Variants in VPS54 observed in about 807,000 individuals in gnomAD.
VPS54 encodes the protein VPS54 subunit of GARP complex.
VPS54 carries 45 observed loss-of-function variants against 121.5 expected under a neutral mutation model. That is an observed-to-expected ratio of 0.37 (90% CI 0.29 to 0.47). The LOEUF (loss-of-function observed/expected upper bound fraction) is 0.47, where lower values mean the gene tolerates loss of function less well. VPS54 is among the 20% of genes least tolerant of loss of function. The pLI, the probability that VPS54 is intolerant of heterozygous loss-of-function variation, is 0.99. For synonymous variants in VPS54, 371 were observed against 385.8 expected (o/e 0.96, Z 0.45); for missense variants, 1,090 against 1,131.4 (o/e 0.96, Z 0.52).
chr2:63,933,043 CAGAA>C (rs940390192), intron 12 of VPS54, among the ~76,000 whole-genome samples: 1 of 151,690 alleles, frequency 6.6e-6, no homozygotes. Context: ...CAAAAGGAGA[CAGAA>C]AGAGAAAAAG....
chr2:63,927,783 G>A (rs780103254), intron 12 of VPS54, among the ~76,000 whole-genome samples: 4 of 152,154 alleles, frequency 2.6e-5, no homozygotes, highest in Non-Finnish European at 5.9e-5. Flanking sequence ...TAGATGAGTG[G>A]CTAACTAGAA....
Position 63,981,855 on chromosome 2 carries a change from G to A in VPS54, c.169C>T (p.Leu57=). 1 of 1,613,324 alleles carries A rather than the reference G, an allele frequency of 6.2e-7. No homozygotes were observed. Among genetic ancestry groups the A allele is most frequent in the Non-Finnish European group, 8.5e-7 (1 of 1,179,594 alleles). The part of the protein sequence containing the change: ...DSHSLYVAPS[L]VTDQHRWTVY... ...GTCCATCTATGTTGATCTGTAACTA[G>A]AGATGGGGCAACATATAAACTATGT... The change falls in exon 3 of 23, where the codon CTA becomes TTA. Residue 57 remains leucine (L), a synonymous_variant. Transcript: ENST00000272322.
At chr2:63,944,214 T>TG (rs1674869663) in intron 10 of VPS54, among the ~76,000 whole-genome samples, 1 of 152,198 alleles carries the variant, frequency 6.6e-6, no homozygotes, top group South Asian at 2.1e-4. Flanking sequence ...TCCATATCTA[T>TG]GTTCTGTCCC....
chr2:63,915,977 T>C (rs988460457), intron 16 of VPS54, among the ~76,000 whole-genome samples: 7 of 152,138 alleles, frequency 4.6e-5, no homozygotes, highest in Admixed American at 1.3e-4. Flanking sequence ...TTGAGGAACA[T>C]AGAATTACAT....
chr2:63,962,042 T>G lies in VPS54; in HGVS notation c.1010+16A>C, dbSNP rs774023021. On this transcript the variant is annotated intron_variant, in intron 7 of 22. Transcript: ENST00000272322. The stretch of plus-strand genomic sequence containing the variant: ...ATTTCTAACATTATTTCTAGTGGCT[T>G]ACTTAATGAACATACCGGAAACTGT... 6.6e-7 allele frequency: 1 copy of G among 1,511,838 alleles called. No individual in the cohort carries two copies. Among genetic ancestry groups the G allele is most frequent in the East Asian group, 2.3e-5 (1 of 43,662 alleles). The allele number at this position is 1,511,838 out of a possible 1,614,324, so 93.7% of individuals were successfully genotyped here.
In VPS54 at chr2:63,999,232, G is replaced by A. The variant is rs910657211; in HGVS notation, c.-20-15213C>T. On this transcript the variant is annotated intron_variant, in intron 1 of 22. Coordinates refer to ENST00000272322, the MANE Select transcript of VPS54 (RefSeq NM_016516.3). ...CCCAAAGTGCCAGGATTACCGGTGT[G>A]AGCCACTGCACCTGGCCAGCTCTTT... Among the ~76,000 whole-genome samples, 5 of 152,318 alleles carry A rather than the reference G, an allele frequency of 3.3e-5. No individual in the cohort carries two copies. In the East Asian group the frequency reaches 5.8e-4, roughly 18 times the overall value.
intron 1 of VPS54, among the ~76,000 whole-genome samples, chr2:63,995,071 C>T (rs189326223): frequency 2.9e-4 from 44 of 152,322 alleles, no homozygotes; most frequent in Admixed American, 2.0e-3. Flanking sequence ...GTCCAGAACA[C>T]CCACAACTTT....
chr2:63,899,400 T>C, intron 21 of VPS54, 74 bp downstream of exon 21: 1 of 1,314,454 alleles, frequency 7.6e-7, no homozygotes, highest in South Asian at 1.4e-5. Context: ...GCCAAAAGCA[T>C]GTAAAAACAC....
chr2:63,921,981 G>C (rs1477602908), intron 12 of VPS54, among the ~76,000 whole-genome samples: 1 of 152,184 alleles, frequency 6.6e-6, no homozygotes, highest in African/African-American at 2.4e-5. Context: ...AGCAAGAAGA[G>C]GGAAGGAATG....
At chr2:63,916,237 G>A (rs188379284) in intron 16 of VPS54, among the ~76,000 whole-genome samples, 3 of 152,268 alleles carry the variant, frequency 2.0e-5, no homozygotes, top group African/African-American at 4.8e-5. Context: ...CACTTAAGCT[G>A]TGAAGTACTG....
At chr2:63,981,977 T>C (rs1676820984) in intron 2 of VPS54, 90 bp from the exon 3 acceptor site, 1 of 1,395,072 alleles carries the variant, frequency 7.2e-7, no homozygotes, top group African/African-American at 1.5e-5. Context: ...AATGCACAGA[T>C]TCCATCTTAC....
At chr2:63,948,258 C>T (rs189341201) in intron 8 of VPS54, among the ~76,000 whole-genome samples, 2 of 148,212 alleles carry the variant, frequency 1.3e-5, no homozygotes, top group Admixed American at 1.4e-4. Flanking sequence ...GGATTTTTTA[C>T]TAGTTGTTGT....
chr2:63,953,126 ATTT>A (rs1194371865), intron 7 of VPS54, among the ~76,000 whole-genome samples: 3 of 119,222 alleles, frequency 2.5e-5, no homozygotes, highest in African/African-American at 3.2e-5. Flanking sequence ...GAAATTTTTA[ATTT>A]TTTTTTTTTT....
chr2:64,006,533 A>AT (rs1678164004), intron 1 of VPS54, among the ~76,000 whole-genome samples: 1 of 152,272 alleles, frequency 6.6e-6, no homozygotes, highest in African/African-American at 2.4e-5. Context: ...TAGGAATGTC[A>AT]TAAGATTTAA....
chr2:63,914,080 A>C, intron 17 of VPS54, 102 bp downstream of exon 17: 1 of 1,115,872 alleles, frequency 9.0e-7, no homozygotes, highest in South Asian at 1.4e-5. Flanking sequence ...TAATGTCTTA[A>C]AGTTAATTTG....
rs535897803 is a variant in VPS54, at chr2:63,968,786, AG to A, written c.492+170del. ...AGACAGAAAAGACAGAAGGAAGGAA[AG>A]AAAAAAAGAAAAGTGAGAAAGAAAG... On this transcript the variant is annotated intron_variant, in intron 5 of 22. Coordinates refer to ENST00000272322, the MANE Select transcript of VPS54 (RefSeq NM_016516.3). 7.9e-5 allele frequency among the ~76,000 whole-genome samples: 12 copies of A among 152,034 alleles called. No individual in the cohort carries two copies. The South Asian group carries it at 2.3e-3, about 29-fold the overall frequency.
rs537298129 is a variant in VPS54, at chr2:63,921,211, C to T, written c.1864G>A (p.Ala622Thr). The change falls in exon 13 of 23, where the codon GCA becomes ACA. Residue 622 changes from alanine to threonine, a missense_variant. By Grantham distance (58) the Ala-to-Thr change is moderately conservative (BLOSUM62 0). Around this residue, in one of 2 missense-constraint regions of VPS54, gnomAD observed 801 missense variants for 757.0 expected, o/e 1.06. Transcript: ENST00000272322. ...AGCTTTATGAAAATAGCTACCTTTG[C>T]TCTTGACATGAGAAATTTGACAGCT... ...DRAVKFLMSR[A>T]KDGFLEKLNS... 1.6e-5 allele frequency: 25 copies of T among 1,606,590 alleles called. No individual in the cohort carries two copies. The Admixed American group carries it at 3.2e-4, about 20-fold the overall frequency.
chr2:63,950,791 T>TC (rs1456036416), intron 7 of VPS54, among the ~76,000 whole-genome samples: 1 of 152,242 alleles, frequency 6.6e-6, no homozygotes, highest in East Asian at 1.9e-4. Flanking sequence ...GCTTTTTTTT[T>TC]CCCCCAGAGT....
At chr2:63,948,324 G>C (rs1329284506) in intron 8 of VPS54, among the ~76,000 whole-genome samples, 1 of 150,296 alleles carries the variant, frequency 6.7e-6, no homozygotes, top group African/African-American at 2.4e-5. Flanking sequence ...TTATGTATTT[G>C]TATATACATA....
Sources: gnomAD v4.1 joint callset for allele counts (sites outside exome capture counted in the v4.1 genomes callset) on GRCh38, gnomAD v4.1.1 for gene constraint, gnomAD v4.1.1 regional missense constraint, MANE v1.5 for transcripts, NCBI Gene and HGNC (gene_info 2026-07-23, HGNC 2026-07-21) for gene names.